ATP2A2: variants seen among roughly 807,000 people sequenced by gnomAD.
ATP2A2 encodes the protein ATPase sarcoplasmic/endoplasmic reticulum Ca2+ transporting 2.
In ATP2A2, 14 loss-of-function variants were observed where a neutral mutation model predicts 109.3. That is an observed-to-expected ratio of 0.13 (90% CI 0.08 to 0.20). The LOEUF (loss-of-function observed/expected upper bound fraction) is 0.20. ATP2A2 is among the 10% of genes least tolerant of loss of function. The probability of loss-of-function intolerance (pLI) is 1.00; values close to 1 mark genes in which losing one functional copy is unlikely to be tolerated. For missense variants in ATP2A2, 657 were observed against 1,321.6 expected (o/e 0.50, Z 7.80); for synonymous variants, 506 against 490.9 (o/e 1.03, Z -0.41).
rs968205171 is a variant in ATP2A2 at position 110,327,978 on chromosome 12, G to A, written c.1056G>A (p.Lys352=). ...GTACTTCTGTTATCTGCTCAGACAA[G>A]ACTGGTACACTTACAACAAACCAGA... ...LGCTSVICSD[K]TGTLTTNQMS... is the part of the protein sequence containing the mutation. Residue 352 remains lysine, a synonymous_variant, in exon 8 of 20, where the codon AAG becomes AAA. Coordinates refer to ENST00000539276, the MANE Select transcript of ATP2A2 (RefSeq NM_170665.4). The surrounding 1 kb of genome is among the most constrained non-coding windows in gnomAD (Gnocchi z 4.4). 1.2e-6 allele frequency: 2 copies of A among 1,613,934 alleles called. No homozygotes were observed. The highest frequency in any genetic ancestry group is 2.7e-5 in the African/African-American group (2 of 74,906).
At chr12:110,282,828 C>T (rs3026435) in intron 3 of ATP2A2, 33 bp downstream of exon 3, 6 of 1,547,128 alleles carry the variant, frequency 3.9e-6, no homozygotes, top group African/African-American at 1.4e-5. Flanking sequence ...TCTTTCCCCC[C>T]AAAAGCTGAA....
rs1231099786 is a variant in ATP2A2 at position 110,333,147 on chromosome 12, T to C, written c.1185-34T>C. The C allele has an allele frequency of 3.8e-6, 6 of 1,563,516 alleles. No homozygotes were observed. In the African/African-American group the frequency reaches 8.1e-5, roughly 21 times the overall value. ...CGGGAGGAATCAATAGTGGCGACCA[T>C]ACCCTGCTCTAAGAGTGTTTTCTCT... On this transcript the variant is annotated intron_variant, in intron 9 of 19. Transcript: ENST00000539276.
chr12:110,347,621 G>A lies in ATP2A2; in HGVS notation c.*1151G>A, dbSNP rs371112228. On this transcript the variant is annotated 3_prime_UTR_variant, in exon 20 of 20. Transcript: ENST00000539276. ...ATCTGTAAATAGCACATGACCAAAT[G>A]AACATATTGTATAGAACTATTTTTA... The A allele has an allele frequency of 1.7e-6, 2 of 1,209,354 alleles. No individual in the cohort carries two copies. Among genetic ancestry groups the A allele is most frequent in the African/African-American group, 3.2e-5 (2 of 63,338 alleles). 74.9% of individuals were successfully genotyped at this position (1,209,354 alleles called of 1,614,324 possible).
At chr12:110,281,980 C>T (rs1478363067) in intron 1 of ATP2A2, 73 bp downstream of exon 1, 2 of 1,279,052 alleles carry the variant, frequency 1.6e-6, no homozygotes, top group South Asian at 1.4e-5. Context: ...GACCGGGCTC[C>T]ACCTCGTGGG....
chr12:110,349,191 T>G lies in ATP2A2; in HGVS notation c.*2721T>G, dbSNP rs572474874. On this transcript the variant is annotated 3_prime_UTR_variant, in exon 20 of 20. Transcript: ENST00000539276. ...GAAGGCTTTGCTGGGTGAAAACACT[T>G]CAGCATCTCCTCCTCAGGTCAACCC... 1.0e-6 allele frequency: 1 copy of G among 985,586 alleles called. No homozygotes were observed. Among genetic ancestry groups the G allele is most frequent in the African/African-American group, 1.7e-5 (1 of 57,360 alleles). The allele number at this position is 985,586 out of a possible 1,614,324, so 61.1% of individuals were successfully genotyped here.
chr12:110,339,838 ATTTG>A lies in ATP2A2; in HGVS notation c.1761+121_1761+124del. On this transcript the variant is annotated intron_variant, in intron 13 of 19. Coordinates refer to ENST00000539276, the MANE Select transcript of ATP2A2 (RefSeq NM_170665.4). This position sits in a 1 kb window ranked among gnomAD's most constrained non-coding sequence, Gnocchi z 4.4. ...CTTTTGCCAAGAAAGAGGTGTGGTTATTTGTTTTTCTGCCTGCCAGCTGTGTCAC... is the reference window on the plus strand; with the variant it reads ...CTTTTGCCAAGAAAGAGGTGTGGTTATTTTTCTGCCTGCCAGCTGTGTCAC... The A allele has an allele frequency of 8.5e-7, 1 of 1,171,618 alleles. No individual in the cohort carries two copies. Among genetic ancestry groups the A allele is most frequent in the Non-Finnish European group, 1.2e-6 (1 of 809,510 alleles). The allele number at this position is 1,171,618 out of a possible 1,614,324, so 72.6% of individuals were successfully genotyped here.
Position 110,350,339 on chromosome 12 carries a change from G to A in ATP2A2, c.*3869G>A. ...TAAACCATTTTGCAGAAATGTAAGG[G>A]TGTTCGGTTGCGTGCATGTGCGTTT... is the stretch of plus-strand genomic sequence containing the variant. On this transcript the variant is annotated 3_prime_UTR_variant, in exon 20 of 20. Transcript: ENST00000539276. The A allele has an allele frequency of 6.2e-7, 1 of 1,614,160 alleles. No individual in the cohort carries two copies. The highest frequency in any genetic ancestry group is 8.5e-7 in the Non-Finnish European group (1 of 1,180,026).
Position 110,343,474 on chromosome 12 carries a change from ATGTT to A in ATP2A2, c.2521+44_2521+47del, listed in dbSNP as rs779219864. On this transcript the variant is annotated intron_variant, in intron 16 of 19. Transcript: ENST00000539276. Reference sequence around the variant, plus strand: ...TTTATATTACTGATTTTTAAACAAAATGTTTGTGAGCTGAAATTTTGTAAATTCA... The same window carrying A: ...TTTATATTACTGATTTTTAAACAAAATGTGAGCTGAAATTTTGTAAATTCA... 6.2e-6 allele frequency: 10 copies of A among 1,606,070 alleles called. No individual in the cohort carries two copies. In the Admixed American group the frequency reaches 1.0e-4, roughly 16 times the overall value.
chr12:110,345,429 G>C, intron 18 of ATP2A2, 47 bp downstream of exon 18: 1 of 1,612,096 alleles, frequency 6.2e-7, no homozygotes. Context: ...GTGACTGCCA[G>C]GGCACCGGGG....
intron 5 of ATP2A2, among the ~76,000 whole-genome samples, chr12:110,305,731 A>G (rs888436154): frequency 2.0e-5 from 3 of 152,198 alleles, no homozygotes; most frequent in Non-Finnish European, 4.4e-5. Context: ...ACATTTACAT[A>G]TAAATTTTTA....
rs1476914873 is a variant in ATP2A2, at chr12:110,339,948, A to G, written c.1761+227A>G. ...TTTCAAAGTAGAATATTTTCAAAGT[A>G]GAATAATCAAGATGAGCTTAAGCTT... On this transcript the variant is annotated intron_variant, in intron 13 of 19. Coordinates refer to ENST00000539276, the MANE Select transcript of ATP2A2 (RefSeq NM_170665.4). This position sits in a 1 kb window ranked among gnomAD's most constrained non-coding sequence, Gnocchi z 4.4. Among the ~76,000 whole-genome samples the G allele has an allele frequency of 6.6e-6, 1 of 152,250 alleles. No homozygotes were observed. Among genetic ancestry groups the G allele is most frequent in the African/African-American group, 2.4e-5 (1 of 41,462 alleles).
chr12:110,297,103 C>G (rs1273765625), intron 5 of ATP2A2, among the ~76,000 whole-genome samples: 1 of 152,104 alleles, frequency 6.6e-6, no homozygotes, highest in Non-Finnish European at 1.5e-5. Flanking sequence ...TGTTTTGTTT[C>G]TTGGCACCAA....
At chr12:110,323,429 C>T (rs1460078564) in intron 6 of ATP2A2, among the ~76,000 whole-genome samples, 3 of 152,158 alleles carry the variant, frequency 2.0e-5, no homozygotes, top group Non-Finnish European at 2.9e-5. Context: ...AGGTAATCCA[C>T]CTGCCTCGGC....
Position 110,310,426 on chromosome 12 carries a change from A to G in ATP2A2, c.464-12566A>G, listed in dbSNP as rs1466342355. Among the ~76,000 whole-genome samples, 9 of 152,210 alleles carry G rather than the reference A, an allele frequency of 5.9e-5. No homozygotes were observed. The East Asian group carries it at 1.5e-3, about 26-fold the overall frequency. On this transcript the variant is annotated intron_variant, in intron 5 of 19. Coordinates refer to ENST00000539276, the MANE Select transcript of ATP2A2 (RefSeq NM_170665.4). ...CAGGCATGAGCCACCATTCCCAGCT[A>G]GAAGTCTTAGTTTTAGAATTTTGGG...
chr12:110,318,633 C>G (rs1331300075), intron 5 of ATP2A2, among the ~76,000 whole-genome samples: 1 of 152,078 alleles, frequency 6.6e-6, no homozygotes, highest in Non-Finnish European at 1.5e-5. Flanking sequence ...ACCACCACAC[C>G]CGGCTAATTT....
At chr12:110,296,413 C>T (rs76858926) in intron 4 of ATP2A2, 186 bp from the exon 5 acceptor site, 140,271 of 758,298 alleles carry the variant, frequency 0.18, 15,760 homozygotes, top group Admixed American at 0.3. Context: ...CTTAACGTTT[C>T]GTTTTTAATA....
At chr12:110,308,883 GGAAAA>G (rs1875669849) in intron 5 of ATP2A2, among the ~76,000 whole-genome samples, 9 of 152,108 alleles carry the variant, frequency 5.9e-5, no homozygotes, top group Admixed American at 5.9e-4. Context: ...CAGATGTGTT[GGAAAA>G]CTGGAGAGTG....
intron 3 of ATP2A2, among the ~76,000 whole-genome samples, chr12:110,286,025 G>A (rs1017703172): frequency 1.3e-5 from 2 of 151,524 alleles, no homozygotes; most frequent in African/African-American, 4.9e-5. Context: ...CTGGGTTCAA[G>A]TGATTCTCCT....
In ATP2A2 at chr12:110,281,702, G is replaced by A. The variant is rs908180760; in HGVS notation, c.-88G>A. The A allele has an allele frequency of 1.1e-6, 1 of 925,124 alleles. No homozygotes were observed. Among genetic ancestry groups the A allele is most frequent in the Non-Finnish European group, 1.5e-6 (1 of 672,122 alleles). The allele number at this position is 925,124 out of a possible 1,614,324, so 57.3% of individuals were successfully genotyped here. The stretch of plus-strand genomic sequence containing the variant: ...AGAGCCCGTCCGCGCCTGGGCTCCC[G>A]GGGTGGCACGAGCCCGCGGCCGGAG... On this transcript the variant is annotated 5_prime_UTR_variant, in exon 1 of 20. Transcript: ENST00000539276.
Sources: gnomAD v4.1 joint callset for allele counts (sites outside exome capture counted in the v4.1 genomes callset) on GRCh38, gnomAD v4.1.1 for gene constraint, Gnocchi (gnomAD v3.1) non-coding constraint, MANE v1.5 for transcripts, NCBI Gene and HGNC (gene_info 2026-07-23, HGNC 2026-07-21) for gene names.